The following NRXN1 variants were observed in gnomAD, a reference collection of about 807,000 sequenced individuals.
NRXN1 encodes the protein neurexin 1.
In NRXN1, 39 loss-of-function variants were observed where a neutral mutation model predicts 150.9. The observed-to-expected ratio is 0.26, with a 90% CI of 0.20 to 0.34. The LOEUF (loss-of-function observed/expected upper bound fraction) is 0.34, where lower values mean the gene tolerates loss of function less well. NRXN1 is among the 10% of genes least tolerant of loss of function. The probability of loss-of-function intolerance (pLI) is 1.00; values close to 1 mark genes in which losing one functional copy is unlikely to be tolerated. For synonymous variants in NRXN1, 924 were observed against 757.0 expected (o/e 1.22, Z -3.62); for missense variants, 1,815 against 1,949.9 (o/e 0.93, Z 1.30).
intron 8 of NRXN1, among the ~76,000 whole-genome samples, chr2:50,566,168 G>A (rs546292246): frequency 1.3e-5 from 2 of 152,266 alleles, no homozygotes; most frequent in Admixed American, 1.3e-4. Context: ...GTCCCCAGTA[G>A]ACAGTTCATT....
intron 9 of NRXN1, chr2:50,547,389 A>T (rs553551829): frequency 6.6e-6 from 1 of 152,306 alleles, no homozygotes; most frequent in East Asian, 1.9e-4. Context: ...TTTAACACAA[A>T]TTTAAACAAT....
chr2:50,369,548 A>G (rs2079857867), intron 17 of NRXN1, among the ~76,000 whole-genome samples: 1 of 152,036 alleles, frequency 6.6e-6, no homozygotes, highest in Admixed American at 6.6e-5. Flanking sequence ...ATATTCTGGT[A>G]GAATCGATGG....
intron 5 of NRXN1, among the ~76,000 whole-genome samples, chr2:50,671,947 ATTACATT>A (rs571125954): frequency 1.6e-4 from 25 of 151,986 alleles, no homozygotes; most frequent in South Asian, 1.2e-3. Flanking sequence ...TTCTATTGTC[ATTACATT>A]TTATTTGATC....
chr2:50,241,513 T>C (rs1357935149), intron 17 of NRXN1, among the ~76,000 whole-genome samples: 1 of 151,786 alleles, frequency 6.6e-6, no homozygotes, highest in Non-Finnish European at 1.5e-5. Flanking sequence ...GATCGCTGAA[T>C]GTATGAATGA....
chr2:50,145,767 G>C (rs1211298242), intron 18 of NRXN1, among the ~76,000 whole-genome samples: 1 of 151,566 alleles, frequency 6.6e-6, no homozygotes, highest in African/African-American at 2.4e-5. Context: ...TTATAGATGG[G>C]TAATATTTAA....
rs181266366 is a variant in NRXN1 at position 50,192,538 on chromosome 2, A to G, written c.3546+44251T>C. Among the ~76,000 whole-genome samples, 97 of 152,138 alleles carry G rather than the reference A, an allele frequency of 6.4e-4. 1 individual carries two copies. The highest frequency in any genetic ancestry group is 1.7e-3 in the South Asian group (8 of 4,818). ...GGTTACAAAATAGTTTACATAATATAATTATATTTTTGTAAAATGATACCT... is the reference window on the plus strand; with the variant it reads ...GGTTACAAAATAGTTTACATAATATGATTATATTTTTGTAAAATGATACCT... On this transcript the variant is annotated intron_variant, in intron 18 of 22. Transcript: ENST00000401669.
chr2:50,186,634 G>C (rs894238283), intron 18 of NRXN1, among the ~76,000 whole-genome samples: 2 of 152,042 alleles, frequency 1.3e-5, no homozygotes, highest in Non-Finnish European at 2.9e-5. Flanking sequence ...AATCTTGACA[G>C]TAAGAAGCTC....
At chr2:50,428,109 G>A (rs916783831) in intron 17 of NRXN1, among the ~76,000 whole-genome samples, 8 of 152,046 alleles carry the variant, frequency 5.3e-5, no homozygotes, top group African/African-American at 1.9e-4. Flanking sequence ...GAGAAGCGAG[G>A]ATAAGATGAA....
chr2:50,342,147 T>C (rs1232012032), intron 17 of NRXN1, among the ~76,000 whole-genome samples: 2 of 152,222 alleles, frequency 1.3e-5, no homozygotes, highest in African/African-American at 2.4e-5. Flanking sequence ...GAATTTATGA[T>C]ATATTTAGTG....
intron 17 of NRXN1, among the ~76,000 whole-genome samples, chr2:50,384,545 T>C (rs376199702): frequency 6.2e-5 from 9 of 145,374 alleles, no homozygotes; most frequent in African/African-American, 2.3e-4. Flanking sequence ...ATGCATCCTC[T>C]ACATAAGGTA....
chr2:50,865,697 G>A (rs565740775), intron 5 of NRXN1, among the ~76,000 whole-genome samples: 1 of 110,138 alleles, frequency 9.1e-6, no homozygotes, highest in Non-Finnish European at 1.9e-5. Flanking sequence ...GGTGGTGGGG[G>A]TAGTAGCACC....
At chr2:50,076,942 T>G (rs534034926) in intron 19 of NRXN1, among the ~76,000 whole-genome samples, 20 of 152,136 alleles carry the variant, frequency 1.3e-4, no homozygotes, top group Non-Finnish European at 2.5e-4. Context: ...CAATAACATT[T>G]TATGAATTAT....
rs147118119 is a variant in NRXN1, at chr2:50,806,052, T to C, written c.832+115817A>G. Among the ~76,000 whole-genome samples the C allele has an allele frequency of 1.3e-3, 200 of 152,320 alleles. 1 individual carries two copies. The highest frequency in any genetic ancestry group is 4.7e-3 in the African/African-American group (194 of 41,590). ...CATTGATAGGCAATACACAAATATG[T>C]TTAAATGAAGGAATAATTTATTGCA... On this transcript the variant is annotated intron_variant, in intron 5 of 22. Transcript: ENST00000401669.
At chr2:50,471,079 A>C (rs2089410228) in intron 16 of NRXN1, among the ~76,000 whole-genome samples, 1 of 151,858 alleles carries the variant, frequency 6.6e-6, no homozygotes, top group Non-Finnish European at 1.5e-5. Context: ...TATTGGATAT[A>C]GATTTACTTA....
intron 19 of NRXN1, among the ~76,000 whole-genome samples, chr2:50,069,943 C>T (rs1214036686): frequency 1.3e-5 from 2 of 151,412 alleles, no homozygotes; most frequent in East Asian, 2.0e-4. Flanking sequence ...CTCCACCTCC[C>T]GAGTTCATGC....
intron 16 of NRXN1, among the ~76,000 whole-genome samples, chr2:50,467,362 T>C (rs1275163189): frequency 2.0e-5 from 3 of 151,624 alleles, no homozygotes; most frequent in South Asian, 2.1e-4. Flanking sequence ...TTCTAGTAAA[T>C]AAACATATAG....
chr2:50,723,142 T>C (rs952404974), intron 5 of NRXN1, among the ~76,000 whole-genome samples: 4 of 152,050 alleles, frequency 2.6e-5, no homozygotes, highest in Admixed American at 1.3e-4. Flanking sequence ...TGTAAATCCC[T>C]GAAAGTGTTA....
At chr2:50,806,306 T>C (rs1458361180) in intron 5 of NRXN1, among the ~76,000 whole-genome samples, 1 of 152,212 alleles carries the variant, frequency 6.6e-6, no homozygotes, top group Non-Finnish European at 1.5e-5. Flanking sequence ...TAACTAATGA[T>C]GGCTTCCACG....
At position 51,027,752 on chromosome 2, in the gene NRXN1, C is replaced by G; in HGVS notation, c.522G>C (p.Val174=). Residue 174 remains valine, a synonymous_variant, in exon 2 of 23, where the codon GTG becomes GTC. Coordinates refer to ENST00000401669, the MANE Select transcript of NRXN1 (RefSeq NM_001330078.2). Reference sequence around the variant, plus strand: ...ACCCCTTGAAGGGCTCCCGCTCCCTCACCGAGGCCAGGGTGAGCTTGAGCG... The same window carrying G: ...ACCCCTTGAAGGGCTCCCGCTCCCTGACCGAGGCCAGGGTGAGCTTGAGCG... ...AAALKLTLAS[V]REREPFKGWI... is the part of the protein sequence containing the mutation. 6.2e-7 allele frequency: 1 copy of G among 1,612,182 alleles called. No individual in the cohort carries two copies. The highest frequency in any genetic ancestry group is 1.7e-4 in the Middle Eastern group (1 of 6,058).
Sources: gnomAD v4.1 joint callset for allele counts (sites outside exome capture counted in the v4.1 genomes callset) on GRCh38, gnomAD v4.1.1 for gene constraint, MANE v1.5 for transcripts, NCBI Gene and HGNC (gene_info 2026-07-23, HGNC 2026-07-21) for gene names.